Variants in PCSK6 observed in about 807,000 individuals in gnomAD.
PCSK6 encodes proprotein convertase subtilisin/kexin type 6.
In PCSK6, 85 loss-of-function variants were observed where a neutral mutation model predicts 123.3. That is an observed-to-expected ratio of 0.69 (90% CI 0.58 to 0.83). The LOEUF (loss-of-function observed/expected upper bound fraction) is 0.83, where lower values mean the gene tolerates loss of function less well. Among genes scored for constraint, PCSK6 ranks in the 40% least tolerant of loss-of-function variants. The probability of loss-of-function intolerance (pLI) is 0.00; values close to 1 mark genes in which losing one functional copy is unlikely to be tolerated. For synonymous variants in PCSK6, 508 were observed against 516.0 expected, an observed-to-expected ratio of 0.98 and a Z score of 0.21; for missense variants, 1,191 against 1,282.3, an observed-to-expected ratio of 0.93 and a Z score of 1.09.
chr15:101,307,305 C>T lies in PCSK6; in HGVS notation c.2720G>A (p.Ser907Asn), dbSNP rs1285971231. The stretch of plus-strand genomic sequence containing the variant: ...ACAGTTCCTGCTGGAGCCTGCACAG[C>T]TCAAGCAGTTCTCGTCACACCTGTG... ...VCRRCDENCL[S>N]CAGSSRNCSR... Residue 907 changes from serine (S) to asparagine (N), a missense_variant, in exon 21 of 22, where the codon AGC becomes AAC. Ser to Asn is a conservative substitution (Grantham distance 46, BLOSUM62 1). This residue lies in a region of PCSK6 where 630 missense variants were observed against 631.4 expected (regional missense o/e 1.00). Transcript: ENST00000611716. The T allele has an allele frequency of 6.2e-7, 1 of 1,613,514 alleles. No individual in the cohort carries two copies. Among genetic ancestry groups the T allele is most frequent in the East Asian group, 2.2e-5 (1 of 44,874 alleles).
intron 5 of PCSK6, among the ~76,000 whole-genome samples, chr15:101,429,414 C>T (rs1387569031): frequency 6.6e-6 from 1 of 152,152 alleles, no homozygotes; most frequent in Non-Finnish European, 1.5e-5. Context: ...CTCACTGACC[C>T]CTCCTGTGAC....
chr15:101,360,188 T>G (rs2041171269), intron 13 of PCSK6, among the ~76,000 whole-genome samples: 1 of 152,140 alleles, frequency 6.6e-6, no homozygotes, highest in Admixed American at 6.5e-5. Flanking sequence ...GGAGTCACCT[T>G]CACCTGATAT....
At chr15:101,474,607 A>G (rs1027295048) in intron 1 of PCSK6, among the ~76,000 whole-genome samples, 2 of 152,124 alleles carry the variant, frequency 1.3e-5, no homozygotes, top group African/African-American at 2.4e-5. Flanking sequence ...CTCTGCTTTT[A>G]TCCTTACTGA....
chr15:101,393,488 C>T (rs564715510), intron 7 of PCSK6, 64 bp from the exon 8 acceptor site: 43 of 1,303,302 alleles, frequency 3.3e-5, no homozygotes, highest in East Asian at 7.0e-5. Flanking sequence ...GGTCTCCCCC[C>T]GAACCTAGAG....
chr15:101,312,164 C>G (rs1204681224), intron 20 of PCSK6: 4 of 107,812 alleles, frequency 3.7e-5, no homozygotes, highest in Non-Finnish European at 5.5e-5. Flanking sequence ...CCCATCGTCA[C>G]CCCTCACAGC....
At chr15:101,429,657 A>G (rs779060626) in intron 5 of PCSK6, among the ~76,000 whole-genome samples, 2 of 152,230 alleles carry the variant, frequency 1.3e-5, no homozygotes, top group Non-Finnish European at 2.9e-5. Context: ...CTGTCTTCAC[A>G]CAGCAGGTCA....
rs748653776 is a variant in PCSK6, at chr15:101,331,731, C to T, written c.2039-42G>A. On this transcript the variant is annotated intron_variant, in intron 14 of 21. Coordinates refer to ENST00000611716, the MANE Select transcript of PCSK6 (RefSeq NM_002570.5). ...TGCCATGATTATTATGACTCCCAGG[C>T]AAGAGAGACACACAACCATCAGCCC... is the stretch of plus-strand genomic sequence containing the variant. The T allele has an allele frequency of 4.5e-6, 7 of 1,546,918 alleles. 1 individual carries two copies. The Admixed American group carries it at 5.5e-5, about 12-fold the overall frequency.
intron 21 of PCSK6, among the ~76,000 whole-genome samples, chr15:101,306,625 G>T (rs1176508399): frequency 6.6e-6 from 1 of 152,188 alleles, no homozygotes; most frequent in African/African-American, 2.4e-5. Flanking sequence ...CCTCCTTGGT[G>T]CCTGGAATTC....
intron 1 of PCSK6, among the ~76,000 whole-genome samples, chr15:101,483,011 G>C (rs895018818): frequency 2.0e-5 from 3 of 152,240 alleles, no homozygotes; most frequent in Non-Finnish European, 4.4e-5. Context: ...CGTCAGATAG[G>C]AGGGTTAAGA....
At chr15:101,318,467 C>CT in intron 18 of PCSK6, 45 bp from the exon 19 acceptor site, 3 of 1,448,226 alleles carry the variant, frequency 2.1e-6, no homozygotes, top group Non-Finnish European at 2.8e-6. Context: ...TTCCAAAAGT[C>CT]TAATTATGAC....
At chr15:101,388,963 G>A (rs1055958252) in intron 9 of PCSK6, among the ~76,000 whole-genome samples, 3 of 152,158 alleles carry the variant, frequency 2.0e-5, no homozygotes, top group African/African-American at 7.2e-5. Context: ...CGAAGTCTTA[G>A]GCCCCAGTAC....
At position 101,398,592 on chromosome 15, in the gene PCSK6, A is replaced by G; in HGVS notation, c.824-16T>C. Reference sequence around the variant, plus strand: ...ATGCGGATGCCTGAAAGCACAGAGGAGGCTCGGTGTCGGCGCCCAGGCTCC... The same window carrying G: ...ATGCGGATGCCTGAAAGCACAGAGGGGGCTCGGTGTCGGCGCCCAGGCTCC... On this transcript the variant is annotated splice_polypyrimidine_tract_variant and intron_variant, in intron 6 of 21. Coordinates refer to ENST00000611716, the MANE Select transcript of PCSK6 (RefSeq NM_002570.5). The surrounding 1 kb of genome is among the most constrained non-coding windows in gnomAD (Gnocchi z 4.6). The G allele has an allele frequency of 1.9e-6, 3 of 1,599,714 alleles. No homozygotes were observed. The highest frequency in any genetic ancestry group is 2.6e-6 in the Non-Finnish European group (3 of 1,170,952).
At chr15:101,452,516 G>A (rs573050672) in intron 1 of PCSK6, among the ~76,000 whole-genome samples, 1 of 152,290 alleles carries the variant, frequency 6.6e-6, no homozygotes, top group South Asian at 2.1e-4. Flanking sequence ...AAAAATTCCA[G>A]TCTAAAGTCA....
chr15:101,329,772 T>G (rs1270925276), intron 15 of PCSK6, among the ~76,000 whole-genome samples: 1 of 152,232 alleles, frequency 6.6e-6, no homozygotes, highest in South Asian at 2.1e-4. Flanking sequence ...CAACCATGGC[T>G]TCTTTCCTGA....
chr15:101,445,113 G>A (rs1449608225), intron 1 of PCSK6, among the ~76,000 whole-genome samples: 1 of 152,188 alleles, frequency 6.6e-6, no homozygotes, highest in African/African-American at 2.4e-5. Flanking sequence ...CAGTCATGAG[G>A]AATCAATGGG....
Position 101,450,888 on chromosome 15 carries a change from G to A in PCSK6, c.298-7228C>T, listed in dbSNP as rs539043661. On this transcript the variant is annotated intron_variant, in intron 1 of 21. Coordinates refer to ENST00000611716, the MANE Select transcript of PCSK6 (RefSeq NM_002570.5). ...TGGCCTCTCTGGTCTGAGGACTTGAGGCAGGCAAGGCCTGGCCGGGCACTC... is the reference window on the plus strand; with the variant it reads ...TGGCCTCTCTGGTCTGAGGACTTGAAGCAGGCAAGGCCTGGCCGGGCACTC... Among the ~76,000 whole-genome samples, 192 of 152,214 alleles carry A rather than the reference G, an allele frequency of 1.3e-3. 3 individuals carry two copies. Among genetic ancestry groups the A allele is most frequent in the Middle Eastern group, 6.8e-3 (2 of 294 alleles).
At chr15:101,396,913 G>A (rs541388507) in intron 7 of PCSK6, among the ~76,000 whole-genome samples, 2 of 152,236 alleles carry the variant, frequency 1.3e-5, no homozygotes, top group East Asian at 3.9e-4. Context: ...GGAGGGACAG[G>A]TGGGTAGATA....
At position 101,378,323 on chromosome 15, in the gene PCSK6, G is replaced by A. The variant is rs552859534; in HGVS notation, c.1532+3769C>T. ...CCAGGAGTAGGTCGACGTGCCTCTGGTCTACGGTCTGACGATCACAACAGA... is the reference window on the plus strand; with the variant it reads ...CCAGGAGTAGGTCGACGTGCCTCTGATCTACGGTCTGACGATCACAACAGA... On this transcript the variant is annotated intron_variant, in intron 11 of 21. Coordinates refer to ENST00000611716, the MANE Select transcript of PCSK6 (RefSeq NM_002570.5). Among the ~76,000 whole-genome samples the A allele has an allele frequency of 1.1e-4, 16 of 152,320 alleles. No individual in the cohort carries two copies. In the East Asian group the frequency reaches 2.5e-3, roughly 24 times the overall value.
chr15:101,395,501 CCTT>C (rs1430480095), intron 7 of PCSK6, among the ~76,000 whole-genome samples: 1 of 152,242 alleles, frequency 6.6e-6, no homozygotes, highest in Non-Finnish European at 1.5e-5. Flanking sequence ...CCTTTCCCCT[CCTT>C]AAAACGGTTT....
Sources: gnomAD v4.1 joint callset for allele counts (sites outside exome capture counted in the v4.1 genomes callset) on GRCh38, gnomAD v4.1.1 for gene constraint, gnomAD v4.1.1 regional missense constraint, Gnocchi (gnomAD v3.1) non-coding constraint, MANE v1.5 for transcripts, NCBI Gene and HGNC (gene_info 2026-07-23, HGNC 2026-07-21) for gene names.